The following OPCML variants were observed in gnomAD, a reference collection of about 807,000 sequenced individuals.
OPCML encodes opioid-binding protein/cell adhesion molecule.
A neutral mutation model predicts 37.8 loss-of-function variants in OPCML; 13 were observed. That is an observed-to-expected ratio of 0.34 (90% CI 0.22 to 0.55). The LOEUF (loss-of-function observed/expected upper bound fraction) is 0.55, where lower values mean the gene tolerates loss of function less well. Ranked by LOEUF, OPCML falls within the 20% of genes least tolerant of loss-of-function variation. The pLI, the probability that OPCML is intolerant of heterozygous loss-of-function variation, is 0.91. For synonymous variants in OPCML, 176 were observed against 168.8 expected, an observed-to-expected ratio of 1.04 and a Z score of -0.33; for missense variants, 341 against 435.6, an observed-to-expected ratio of 0.78 and a Z score of 1.93.
chr11:132,714,658 A>G (rs886772210), intron 2 of OPCML, among the ~76,000 whole-genome samples: 1 of 152,214 alleles, frequency 6.6e-6, no homozygotes, highest in African/African-American at 2.4e-5. Context: ...ACAGGCCGAG[A>G]GCACTGGCTT....
intron 4 of OPCML, among the ~76,000 whole-genome samples, chr11:132,492,620 G>A (rs576997425): frequency 7.2e-5 from 11 of 152,226 alleles, no homozygotes; most frequent in African/African-American, 2.6e-4. Flanking sequence ...AAGCTTGAGA[G>A]GCCCAGTTTG....
intron 4 of OPCML, among the ~76,000 whole-genome samples, chr11:132,442,089 C>T (rs2096037766): frequency 6.6e-6 from 1 of 152,192 alleles, no homozygotes; most frequent in African/African-American, 2.4e-5. Flanking sequence ...GTGTCAGACG[C>T]TGTGGTGAGG....
intron 1 of OPCML, among the ~76,000 whole-genome samples, chr11:133,329,799 C>G (rs1429257371): frequency 6.6e-6 from 1 of 152,174 alleles, no homozygotes; most frequent in African/African-American, 2.4e-5. Context: ...ATGTCTAAAA[C>G]ACCAAAAGCA....
At chr11:132,441,940 C>T (rs2096037175) in intron 4 of OPCML, among the ~76,000 whole-genome samples, 1 of 152,270 alleles carries the variant, frequency 6.6e-6, no homozygotes, top group East Asian at 1.9e-4. Flanking sequence ...GAGCATGAAA[C>T]ATCCACAAGC....
At chr11:132,720,565 C>T (rs1233432437) in intron 2 of OPCML, among the ~76,000 whole-genome samples, 2 of 152,200 alleles carry the variant, frequency 1.3e-5, no homozygotes, top group Non-Finnish European at 2.9e-5. Context: ...TCCACTAGTT[C>T]ACTGGTGTAG....
chr11:133,321,022 A>T (rs1434626262), intron 1 of OPCML, among the ~76,000 whole-genome samples: 1 of 152,124 alleles, frequency 6.6e-6, no homozygotes, highest in East Asian at 1.9e-4. Flanking sequence ...TCCTCTTCTT[A>T]AGGAGACTTT....
At chr11:133,254,612 G>A (rs1394311091) in intron 1 of OPCML, among the ~76,000 whole-genome samples, 2 of 152,322 alleles carry the variant, frequency 1.3e-5, no homozygotes, top group South Asian at 4.1e-4. Flanking sequence ...ACAAGACTGG[G>A]AGGAGGAGAT....
intron 1 of OPCML, among the ~76,000 whole-genome samples, chr11:133,036,060 A>G (rs1947778133): frequency 6.6e-6 from 1 of 152,190 alleles, no homozygotes. Context: ...ATACATCAAC[A>G]TGAAGACCAG....
intron 1 of OPCML, among the ~76,000 whole-genome samples, chr11:133,268,036 T>A (rs1483565285): frequency 6.6e-6 from 1 of 152,212 alleles, no homozygotes; most frequent in Non-Finnish European, 1.5e-5. Flanking sequence ...GTTCCTTCTG[T>A]GTGATCTCAG....
At chr11:133,323,437 C>T (rs7945328) in intron 1 of OPCML, among the ~76,000 whole-genome samples, 18,292 of 152,168 alleles carry the variant, frequency 0.12, 1,762 homozygotes, top group African/African-American at 0.27. Flanking sequence ...AAGAGTCAGA[C>T]ACTATATAAA....
intron 4 of OPCML, among the ~76,000 whole-genome samples, chr11:132,467,978 T>C (rs148499135): frequency 2.0e-5 from 3 of 152,212 alleles, no homozygotes; most frequent in Non-Finnish European, 2.9e-5. Context: ...GACATCCCTC[T>C]AGCTTCTGAT....
intron 1 of OPCML, among the ~76,000 whole-genome samples, chr11:133,230,686 C>G (rs75504451): frequency 3.3e-5 from 5 of 152,312 alleles, no homozygotes; most frequent in African/African-American, 4.8e-5. Context: ...GGCATGCAGA[C>G]AGTGGAGCAG....
intron 4 of OPCML, among the ~76,000 whole-genome samples, chr11:132,469,721 AGTGT>A (rs1207824658): frequency 1.5e-4 from 11 of 72,226 alleles, no homozygotes; most frequent in East Asian, 1.4e-3. Context: ...GAGGGGAGTG[AGTGT>A]GTGTGTATGT....
rs146005044 is a variant in OPCML at position 132,705,358 on chromosome 11, A to C, written c.147-48039T>G. 1.4e-3 allele frequency among the ~76,000 whole-genome samples: 218 copies of C among 152,124 alleles called. 1 individual carries two copies. The highest frequency in any genetic ancestry group is 5.1e-3 in the African/African-American group (211 of 41,486). ...GTCATCTGGGCACTTTGGGAGGCTG[A>C]GGCAGGCAGATCACTTGAGCTCAGG... is the stretch of plus-strand genomic sequence containing the variant. On this transcript the variant is annotated intron_variant, in intron 2 of 7. Coordinates refer to ENST00000524381, the MANE Select transcript of OPCML (RefSeq NM_001012393.5).
intron 1 of OPCML, among the ~76,000 whole-genome samples, chr11:133,183,858 C>T (rs528649318): frequency 2.0e-5 from 3 of 152,238 alleles, no homozygotes; most frequent in East Asian, 1.9e-4. Context: ...AAATAGCTTC[C>T]GAATGCTTTT....
intron 2 of OPCML, among the ~76,000 whole-genome samples, chr11:132,788,285 A>G (rs1197718026): frequency 6.6e-6 from 1 of 152,146 alleles, no homozygotes; most frequent in African/African-American, 2.4e-5. Context: ...ATGTCTTTTC[A>G]TCCACTTAAT....
intron 1 of OPCML, among the ~76,000 whole-genome samples, chr11:133,141,210 G>A (rs1949819272): frequency 6.6e-6 from 1 of 152,064 alleles, no homozygotes; most frequent in Middle Eastern, 3.4e-3. Context: ...GTGCAGGCAC[G>A]TGGTCTCCAT....
At chr11:133,493,474 A>T (rs764671976) in intron 1 of OPCML, among the ~76,000 whole-genome samples, 73 of 152,230 alleles carry the variant, frequency 4.8e-4, no homozygotes, top group Non-Finnish European at 9.6e-4. Context: ...TACAGAAATG[A>T]GTTTAAACAT....
chr11:133,220,686 TACC>T (rs1404982332), intron 1 of OPCML, among the ~76,000 whole-genome samples: 1 of 152,192 alleles, frequency 6.6e-6, no homozygotes, highest in Non-Finnish European at 1.5e-5. Flanking sequence ...ATACTGCCTC[TACC>T]ACCACTAAAT....
Sources: gnomAD v4.1 joint callset for allele counts (sites outside exome capture counted in the v4.1 genomes callset) on GRCh38, gnomAD v4.1.1 for gene constraint, MANE v1.5 for transcripts, NCBI Gene and HGNC (gene_info 2026-07-23, HGNC 2026-07-21) for gene names.